Variants in MTM1 observed in about 807,000 individuals in gnomAD.
MTM1 encodes the protein myotubularin.
In MTM1, 9 loss-of-function variants were observed where a neutral mutation model predicts 52.1. The ratio of observed to expected loss-of-function variants is 0.17; its 90% CI spans 0.10 to 0.30. The LOEUF is 0.30. MTM1 is among the 10% of genes least tolerant of loss of function. The pLI is 1.00. For missense variants in MTM1, 277 were observed against 470.7 expected, an observed-to-expected ratio of 0.59 and a Z score of 3.81; for synonymous variants, 136 against 163.8, an observed-to-expected ratio of 0.83 and a Z score of 1.29.
chrX:150,585,090 A>AGT (rs200639941), intron 1 of MTM1, among the ~76,000 whole-genome samples: 1,983 of 108,074 alleles, frequency 0.018, 41 homozygotes, highest in African/African-American at 0.062. Flanking sequence ...AGAGAGAAAG[A>AGT]GTGTGTGTGT....
intron 1 of MTM1, among the ~76,000 whole-genome samples, chrX:150,577,258 C>T (rs1557411678): frequency 8.9e-6 from 1 of 112,324 alleles, no homozygotes; most frequent in African/African-American, 3.2e-5. Flanking sequence ...TGAAAAAAAG[C>T]TGCCATGAAC....
At chrX:150,578,989 C>T (rs1286371955) in intron 1 of MTM1, among the ~76,000 whole-genome samples, 5 of 103,721 alleles carry the variant, frequency 4.8e-5, no homozygotes, top group Admixed American at 4.3e-4. Context: ...GTCTTTGATC[C>T]GTGAGCATGC....
At chrX:150,584,782 A>G (rs1247981287) in intron 1 of MTM1, among the ~76,000 whole-genome samples, 1 of 111,853 alleles carries the variant, frequency 8.9e-6, no homozygotes, top group Non-Finnish European at 1.9e-5. Flanking sequence ...ATGGCATAGT[A>G]TTTGCATATA....
At chrX:150,609,719 T>C (rs1557412929) in intron 4 of MTM1, among the ~76,000 whole-genome samples, 1 of 111,644 alleles carries the variant, frequency 9.0e-6, no homozygotes, top group Non-Finnish European at 1.9e-5. Context: ...AGCTGATTCA[T>C]CTTTGAGTCT....
intron 1 of MTM1, among the ~76,000 whole-genome samples, chrX:150,583,236 TA>T (rs1263261347): frequency 2.2e-4 from 15 of 68,260 alleles, no homozygotes; most frequent in South Asian, 7.6e-4. Flanking sequence ...AAATTATATA[TA>T]AATTATAAAT....
intron 1 of MTM1, among the ~76,000 whole-genome samples, chrX:150,571,665 C>T (rs2038379061): frequency 8.9e-6 from 1 of 112,347 alleles, no homozygotes; most frequent in African/African-American, 3.2e-5. Flanking sequence ...AATCCAGTAG[C>T]TTGCTTTTCT....
chrX:150,641,125 C>A, intron 7 of MTM1, 144 bp from the exon 8 acceptor site: 1 of 575,488 alleles, frequency 1.7e-6, no homozygotes, highest in Non-Finnish European at 2.8e-6. Flanking sequence ...GATTTGGCAC[C>A]CTTATTATAA....
At chrX:150,663,762 T>A (rs187381892) in intron 14 of MTM1, among the ~76,000 whole-genome samples, 153 bp downstream of exon 14, 26 of 112,032 alleles carry the variant, frequency 2.3e-4, no homozygotes, top group Admixed American at 1.2e-3. Context: ...AAATTTTTTT[T>A]AATTACTAAA....
intron 6 of MTM1, among the ~76,000 whole-genome samples, chrX:150,623,514 G>C (rs932029548): frequency 7.2e-5 from 8 of 110,972 alleles, no homozygotes; most frequent in South Asian, 3.9e-4. Context: ...AGAGTGGCAG[G>C]CATGTTGAGG....
the MTM1 span, among the ~76,000 whole-genome samples, chrX:150,562,950 C>T: frequency 7.0e-4 from 78 of 111,454 alleles, no homozygotes; most frequent in African/African-American, 2.3e-3. Flanking sequence ...GGGGAAGCTT[C>T]TGATCCCTGG....
intron 4 of MTM1, among the ~76,000 whole-genome samples, chrX:150,610,893 T>C (rs1400169182): frequency 2.7e-5 from 3 of 112,282 alleles, no homozygotes; most frequent in African/African-American, 9.7e-5. Context: ...ATCAGACTTA[T>C]TTAGTGTCTA....
intron 4 of MTM1, among the ~76,000 whole-genome samples, chrX:150,608,481 A>G (rs2039211027): frequency 8.9e-6 from 1 of 112,011 alleles, no homozygotes. Flanking sequence ...CGCCTCCCAA[A>G]GTGCTGGGAT....
the MTM1 span, among the ~76,000 whole-genome samples, chrX:150,563,044 C>G: frequency 9.0e-6 from 1 of 111,121 alleles, no homozygotes. Context: ...GTCCTGCCCC[C>G]ATTAGGCTGG....
At chrX:150,589,750 C>CT (rs781783631) in intron 1 of MTM1, among the ~76,000 whole-genome samples, 1,412 of 91,838 alleles carry the variant, frequency 0.015, 24 homozygotes, top group African/African-American at 0.047. Flanking sequence ...TCATTATTGT[C>CT]TTTTTTTTTT....
chrX:150,652,656 TATACACACAC>T (rs1342796561), intron 10 of MTM1, among the ~76,000 whole-genome samples: 11 of 44,145 alleles, frequency 2.5e-4, no homozygotes, highest in African/African-American at 5.8e-4. Flanking sequence ...TGTATATATA[TATACACACAC>T]ACACACACAC....
chrX:150,660,027 G>A (rs1467884178), intron 12 of MTM1, among the ~76,000 whole-genome samples: 1 of 111,964 alleles, frequency 8.9e-6, no homozygotes, highest in African/African-American at 3.2e-5. Flanking sequence ...ACAATACCAA[G>A]TCGTCGTTTA....
At chrX:150,652,682 CACACACACACACAT>C (rs1354749168) in intron 10 of MTM1, among the ~76,000 whole-genome samples, 1 of 82,349 alleles carries the variant, frequency 1.2e-5, no homozygotes, top group Non-Finnish European at 2.3e-5. Flanking sequence ...CACACACACA[CACACACACACACAT>C]ACATACAGAA....
At chrX:150,669,037 C>A (rs1291633715) in intron 14 of MTM1, among the ~76,000 whole-genome samples, 1 of 110,899 alleles carries the variant, frequency 9.0e-6, no homozygotes, top group African/African-American at 3.3e-5. Context: ...CCTCACCCCC[C>A]ACTCCCCAAC....
Position 150,641,293 on chromosome X carries a change from A to T in MTM1, c.553A>T (p.Ile185Leu), listed in dbSNP as rs2148488427. The T allele has an allele frequency of 2.5e-6, 3 of 1,211,409 alleles. No individual in the cohort carries two copies. The highest frequency in any genetic ancestry group is 3.4e-6 in the Non-Finnish European group (3 of 895,344). The change falls in exon 8 of 15, where the codon ATA (isoleucine) becomes TTA (leucine). Residue 185 changes from isoleucine to leucine, a missense_variant. Physicochemically the swap from Ile to Leu is conservative, Grantham distance 5 (BLOSUM62 2). Transcript: ENST00000370396. ...RQGLPNHHWR[I>L]TFINKCYELC... ...GGGCTTGCCCAATCACCATTGGAGA[A>T]TAACTTTTATTAATAAGTGCTATGA...
Sources: gnomAD v4.1 joint callset for allele counts (sites outside exome capture counted in the v4.1 genomes callset) on GRCh38, gnomAD v4.1.1 for gene constraint, MANE v1.5 for transcripts, NCBI Gene and HGNC (gene_info 2026-07-23, HGNC 2026-07-21) for gene names.